Variants in UST observed in about 807,000 individuals in gnomAD.
The protein encoded by UST is chondroitin sulfate 2-O-sulfotransferase.
A neutral mutation model predicts 45.6 loss-of-function variants in UST; 21 were observed. The ratio of observed to expected loss-of-function variants is 0.46; its 90% CI spans 0.33 to 0.66. The LOEUF is 0.66. UST is among the 30% of genes least tolerant of loss of function. The probability of loss-of-function intolerance (pLI) is 0.02; values close to 1 mark genes in which losing one functional copy is unlikely to be tolerated. For missense variants in UST, 463 were observed against 512.4 expected (o/e 0.90, Z 0.93); for synonymous variants, 215 against 200.6 (o/e 1.07, Z -0.61).
At chr6:148,879,242 CCT>C (rs1425871700) in intron 1 of UST, among the ~76,000 whole-genome samples, 2 of 152,154 alleles carry the variant, frequency 1.3e-5, no homozygotes, top group African/African-American at 4.8e-5. Flanking sequence ...ATCACCTTCC[CCT>C]GTCACTGGGA....
intron 1 of UST, among the ~76,000 whole-genome samples, chr6:148,837,552 T>G (rs1777809216): frequency 6.6e-6 from 1 of 152,220 alleles, no homozygotes. Context: ...AGCATTGAAC[T>G]CATTGTTGCA....
intron 4 of UST, among the ~76,000 whole-genome samples, chr6:148,954,730 C>T (rs1273311932): frequency 6.6e-6 from 1 of 152,182 alleles, no homozygotes; most frequent in East Asian, 1.9e-4. Context: ...GACTGTAAAC[C>T]ATTTGATTTT....
intron 1 of UST, among the ~76,000 whole-genome samples, chr6:148,852,590 C>T (rs1778128255): frequency 6.6e-6 from 1 of 152,182 alleles, no homozygotes; most frequent in Non-Finnish European, 1.5e-5. Flanking sequence ...AGATCTGGAG[C>T]ATAGGAGATT....
At chr6:148,817,129 A>T (rs1777372904) in intron 1 of UST, among the ~76,000 whole-genome samples, 1 of 151,934 alleles carries the variant, frequency 6.6e-6, no homozygotes, top group Admixed American at 6.6e-5. Flanking sequence ...TCTTTCAGAA[A>T]CCCCTTTCCA....
intron 1 of UST, among the ~76,000 whole-genome samples, chr6:148,791,535 C>T (rs1409098708): frequency 6.6e-6 from 1 of 152,136 alleles, no homozygotes; most frequent in Non-Finnish European, 1.5e-5. Context: ...CAATTGCTCA[C>T]TGGGGAAAAA....
chr6:148,833,339 TAGCC>T (rs1168293118), intron 1 of UST, among the ~76,000 whole-genome samples: 3 of 151,982 alleles, frequency 2.0e-5, no homozygotes, highest in Non-Finnish European at 4.4e-5. Context: ...ATACAAAAAT[TAGCC>T]AGGCATGGTG....
chr6:148,799,224 G>A (rs930126957), intron 1 of UST, among the ~76,000 whole-genome samples: 3 of 152,174 alleles, frequency 2.0e-5, no homozygotes, highest in Non-Finnish European at 4.4e-5. Context: ...GGATAATAGA[G>A]GGAAGGTGGG....
At chr6:148,910,608 G>A (rs1267509280) in intron 2 of UST, among the ~76,000 whole-genome samples, 1 of 152,008 alleles carries the variant, frequency 6.6e-6, no homozygotes, top group Non-Finnish European at 1.5e-5. Context: ...ACCCTTACAT[G>A]GGTCTTTCTC....
At chr6:149,017,980 CA>C (rs565860890) in intron 5 of UST, among the ~76,000 whole-genome samples, 189 of 152,274 alleles carry the variant, frequency 1.2e-3, no homozygotes, top group African/African-American at 4.4e-3. Flanking sequence ...ATTCACTTCT[CA>C]TATGTTCCTC....
chr6:148,867,769 A>G (rs1300492854), intron 1 of UST, among the ~76,000 whole-genome samples: 5 of 152,182 alleles, frequency 3.3e-5, no homozygotes, highest in African/African-American at 9.7e-5. Context: ...TTTATAAATT[A>G]TCCAGTCTCA....
At chr6:149,048,815 T>G (rs906045558) in intron 7 of UST, among the ~76,000 whole-genome samples, 1 of 152,204 alleles carries the variant, frequency 6.6e-6, no homozygotes, top group East Asian at 1.9e-4. Flanking sequence ...GAGACCATAT[T>G]TTCTATGAAA....
chr6:148,942,716 T>C (rs958866407), intron 3 of UST, among the ~76,000 whole-genome samples: 4 of 152,236 alleles, frequency 2.6e-5, no homozygotes, highest in African/African-American at 9.6e-5. Context: ...CCATTTTATC[T>C]TGGGGGAAAG....
At chr6:148,837,317 C>A (rs1777805242) in intron 1 of UST, among the ~76,000 whole-genome samples, 2 of 152,174 alleles carry the variant, frequency 1.3e-5, no homozygotes, top group Non-Finnish European at 2.9e-5. Flanking sequence ...CTTCCTGGGA[C>A]AAAGCCTACT....
chr6:148,821,365 A>G (rs886837940), intron 1 of UST, among the ~76,000 whole-genome samples: 1 of 152,000 alleles, frequency 6.6e-6, no homozygotes, highest in Non-Finnish European at 1.5e-5. Context: ...TTAGATGCAA[A>G]TTATGCTGTC....
intron 1 of UST, among the ~76,000 whole-genome samples, chr6:148,878,336 TG>T (rs201431259): frequency 1.7e-4 from 2 of 11,820 alleles, no homozygotes; most frequent in East Asian, 3.0e-3. Context: ...CGTGTATGAG[TG>T]GGGGGGATCG....
At chr6:149,007,286 ATT>A (rs758579779) in intron 5 of UST, among the ~76,000 whole-genome samples, 16 of 91,202 alleles carry the variant, frequency 1.8e-4, no homozygotes, top group Admixed American at 3.3e-4. Context: ...CACCCGACCA[ATT>A]TTTTTTTTTT....
chr6:148,891,946 T>G (rs939492722), intron 2 of UST, among the ~76,000 whole-genome samples: 1 of 152,204 alleles, frequency 6.6e-6, no homozygotes, highest in African/African-American at 2.4e-5. Flanking sequence ...AAAGTAAATT[T>G]TGGTATACAG....
intron 1 of UST, among the ~76,000 whole-genome samples, chr6:148,840,391 G>C (rs1185050900): frequency 6.6e-6 from 1 of 152,168 alleles, no homozygotes; most frequent in Non-Finnish European, 1.5e-5. Flanking sequence ...GGCTACATTT[G>C]CTAGAATGCA....
intron 7 of UST, among the ~76,000 whole-genome samples, chr6:149,056,122 T>TC (rs1562341655): frequency 1.5e-5 from 1 of 65,456 alleles, no homozygotes; most frequent in Non-Finnish European, 3.1e-5. Context: ...CTTTTCTTTT[T>TC]TTTTTTTTTT....
Sources: gnomAD v4.1 joint callset for allele counts (sites outside exome capture counted in the v4.1 genomes callset) on GRCh38, gnomAD v4.1.1 for gene constraint, MANE v1.5 for transcripts, NCBI Gene and HGNC (gene_info 2026-07-23, HGNC 2026-07-21) for gene names.